The following PRLR variants were observed in gnomAD, a reference collection of about 807,000 sequenced individuals.
The protein encoded by PRLR is prolactin receptor.
A neutral mutation model predicts 40.2 loss-of-function variants in PRLR; 13 were observed. That is an observed-to-expected ratio of 0.32 (90% confidence interval 0.21 to 0.51). The LOEUF (loss-of-function observed/expected upper bound fraction) is 0.51, where lower values mean the gene tolerates loss of function less well. PRLR is among the 20% of genes least tolerant of loss of function. The pLI, the probability that PRLR is intolerant of heterozygous loss-of-function variation, is 0.97. For synonymous variants in PRLR, 269 were observed against 278.7 expected (o/e 0.97, Z 0.35); for missense variants, 656 against 747.3 (o/e 0.88, Z 1.42).
At chr5:35,072,150 G>A (rs1303183724) in intron 6 of PRLR, among the ~76,000 whole-genome samples, 5 of 149,996 alleles carry the variant, frequency 3.3e-5, no homozygotes, top group African/African-American at 7.4e-5. Flanking sequence ...CACCTGTCTC[G>A]GCCTCCCAAA....
intron 1 of PRLR, among the ~76,000 whole-genome samples, chr5:35,223,809 A>G (rs1283667424): frequency 2.0e-5 from 3 of 152,174 alleles, no homozygotes; most frequent in Non-Finnish European, 4.4e-5. Flanking sequence ...ACCATGTTTT[A>G]TTCTTCTATT....
chr5:35,091,616 G>C (rs1316860145), intron 2 of PRLR, among the ~76,000 whole-genome samples: 1 of 152,162 alleles, frequency 6.6e-6, no homozygotes, highest in Non-Finnish European at 1.5e-5. Flanking sequence ...CTGTGGGAGA[G>C]ACGGTGGAGA....
intron 5 of PRLR, among the ~76,000 whole-genome samples, chr5:35,080,081 A>G (rs951428709): frequency 3.3e-5 from 5 of 152,240 alleles, no homozygotes; most frequent in African/African-American, 1.2e-4. Flanking sequence ...AAACCATAAA[A>G]AAATCTAGAA....
rs139638355 is a variant in PRLR, at chr5:35,113,646, T to C, written c.-44+4415A>G. Among the ~76,000 whole-genome samples, 12 of 152,352 alleles carry C rather than the reference T, an allele frequency of 7.9e-5. No homozygotes were observed. In the South Asian group the frequency reaches 2.1e-3, roughly 26 times the overall value. ...GGTAGGGTCCTAAGAATACAATGTT[T>C]TGCTGAAACAAACCTCCTAGTACTT... On this transcript the variant is annotated intron_variant, in intron 2 of 9. Coordinates refer to ENST00000618457, the MANE Select transcript of PRLR (RefSeq NM_000949.7).
chr5:35,103,405 G>C (rs1772024142), intron 2 of PRLR, among the ~76,000 whole-genome samples: 1 of 152,214 alleles, frequency 6.6e-6, no homozygotes, highest in African/African-American at 2.4e-5. Flanking sequence ...AATGGAAGTA[G>C]AGTGGGCTTC....
At chr5:35,187,337 G>T (rs1337790844) in intron 1 of PRLR, among the ~76,000 whole-genome samples, 1 of 151,958 alleles carries the variant, frequency 6.6e-6, no homozygotes, top group African/African-American at 2.4e-5. Context: ...GGAGGCAGAG[G>T]TTGTAGTGAG....
chr5:35,067,751 T>C (rs1264946812), intron 9 of PRLR, among the ~76,000 whole-genome samples: 3 of 152,180 alleles, frequency 2.0e-5, no homozygotes, highest in Non-Finnish European at 4.4e-5. Flanking sequence ...ACAGTACTGA[T>C]CTGGTCTCAG....
chr5:35,118,617 T>C (rs1476632180), intron 1 of PRLR, among the ~76,000 whole-genome samples: 1 of 152,158 alleles, frequency 6.6e-6, no homozygotes. Flanking sequence ...GTTATCCTAG[T>C]TGGGATTAGA....
At chr5:35,151,656 C>T (rs886755941) in intron 1 of PRLR, among the ~76,000 whole-genome samples, 10 of 152,094 alleles carry the variant, frequency 6.6e-5, no homozygotes, top group African/African-American at 2.4e-4. Context: ...CTCTCAGAAT[C>T]CAGCCACCAT....
At chr5:35,196,461 A>T (rs566811253) in intron 1 of PRLR, among the ~76,000 whole-genome samples, 2 of 152,228 alleles carry the variant, frequency 1.3e-5, no homozygotes, top group Non-Finnish European at 2.9e-5. Flanking sequence ...CATAAGGCCA[A>T]CTAAGACTCT....
intron 2 of PRLR, among the ~76,000 whole-genome samples, chr5:35,102,487 T>TCTCCTCTCCA (rs1356989304): frequency 3.0e-4 from 31 of 102,174 alleles, no homozygotes; most frequent in African/African-American, 1.4e-3. Flanking sequence ...TCCCGTCCCG[T>TCTCCTCTCCA]CTCCTCTCCA....
intron 1 of PRLR, among the ~76,000 whole-genome samples, chr5:35,180,361 T>G (rs1193295083): frequency 3.3e-5 from 5 of 152,192 alleles, no homozygotes; most frequent in Non-Finnish European, 5.9e-5. Context: ...CTCTTCGTGA[T>G]AGTGAGTGAC....
At chr5:35,155,462 A>G (rs576506519) in intron 1 of PRLR, among the ~76,000 whole-genome samples, 20 of 148,934 alleles carry the variant, frequency 1.3e-4, no homozygotes, top group African/African-American at 4.7e-4. Context: ...AGCCACAGCT[A>G]AAAAAAAAAC....
chr5:35,148,905 G>GA (rs543749945), intron 1 of PRLR, among the ~76,000 whole-genome samples: 159 of 151,928 alleles, frequency 1.0e-3, no homozygotes, highest in African/African-American at 3.7e-3. Context: ...AGGGGTCTTG[G>GA]AAGTATATAT....
intron 3 of PRLR, 121 bp downstream of exon 3, chr5:35,089,430 G>T: frequency 1.4e-6 from 1 of 690,202 alleles, no homozygotes; most frequent in Non-Finnish European, 2.5e-6. Context: ...TAATTTAACA[G>T]CAGCACATAA....
intron 1 of PRLR, among the ~76,000 whole-genome samples, chr5:35,131,057 T>G (rs1019936775): frequency 2.6e-5 from 4 of 152,210 alleles, no homozygotes; most frequent in Non-Finnish European, 4.4e-5. Context: ...AATACATTTT[T>G]GTTGTTGTAA....
Position 35,065,416 on chromosome 5 carries a change from C to T in PRLR, c.1542G>A (p.Lys514=), listed in dbSNP as rs1343370905. Residue 514 remains lysine, a synonymous_variant, in exon 10 of 10, where the codon AAG becomes AAA. Coordinates refer to ENST00000618457, the MANE Select transcript of PRLR (RefSeq NM_000949.7). ...ATGATAATGCACCATCTTTGTTGAC[C>T]TTGTGAATCTCCACATAATCCAAGG... The part of the protein sequence containing the change: ...AKPLDYVEIH[K]VNKDGALSLL... 2 of 1,614,004 alleles carry T rather than the reference C, an allele frequency of 1.2e-6. No homozygotes were observed. The highest frequency in any genetic ancestry group is 2.7e-5 in the African/African-American group (2 of 74,914).
chr5:35,204,478 A>G (rs1775962713), intron 1 of PRLR, among the ~76,000 whole-genome samples: 1 of 152,096 alleles, frequency 6.6e-6, no homozygotes, highest in Non-Finnish European at 1.5e-5. Context: ...GCTGTGCTGA[A>G]GATTCAGCCT....
intron 5 of PRLR, among the ~76,000 whole-genome samples, chr5:35,083,439 C>CCT (rs201529932): frequency 2.5e-4 from 34 of 133,482 alleles, no homozygotes; most frequent in Middle Eastern, 3.7e-3. Flanking sequence ...TCTCTCTCTT[C>CCT]CTCTCTCTCT....
Sources: gnomAD v4.1 joint callset for allele counts (sites outside exome capture counted in the v4.1 genomes callset) on GRCh38, gnomAD v4.1.1 for gene constraint, MANE v1.5 for transcripts, NCBI Gene and HGNC (gene_info 2026-07-23, HGNC 2026-07-21) for gene names.